MIDEAS: variants seen among roughly 807,000 people sequenced by gnomAD.
The protein encoded by MIDEAS is mitotic deacetylase associated SANT domain protein, also known as mitotic deacetylase-associated SANT domain protein.
MIDEAS carries 26 observed loss-of-function variants against 102.7 expected under a neutral mutation model. That is an observed-to-expected ratio of 0.25 (90% confidence interval 0.19 to 0.35). The LOEUF (loss-of-function observed/expected upper bound fraction) is 0.35. Ranked by LOEUF, MIDEAS falls within the 10% of genes least tolerant of loss-of-function variation. The pLI, the probability that MIDEAS is intolerant of heterozygous loss-of-function variation, is 1.00. For missense variants in MIDEAS, 1,231 were observed against 1,435.6 expected, an observed-to-expected ratio of 0.86 and a Z score of 2.30; for synonymous variants, 585 against 591.0, an observed-to-expected ratio of 0.99 and a Z score of 0.15.
In MIDEAS at chr14:73,718,911, C is replaced by A; in HGVS notation, c.3232G>T (p.Ala1078Ser). ...AALRLKEKEA[A>S]AAAAAAHQQA... ...TGGTGGGCGGCGGCGGCGGCAGCAG[C>A]GGCCTCTTTCTCCTTCAGCCTCAGC... The change falls in exon 13 of 13, where the codon GCT (alanine) becomes TCT (serine). Residue 1078 changes from alanine to serine, a missense_variant. Transcript: ENST00000423556. 6.6e-7 allele frequency: 1 copy of A among 1,523,504 alleles called. No homozygotes were observed. Among genetic ancestry groups the A allele is most frequent in the East Asian group, 2.5e-5 (1 of 40,146 alleles). 94.4% of individuals were successfully genotyped at this position (1,523,504 alleles called of 1,614,324 possible).
intron 4 of MIDEAS, chr14:73,727,732 A>C: frequency 1.8e-6 from 1 of 547,284 alleles, no homozygotes; most frequent in South Asian, 2.3e-5. Flanking sequence ...CAGTTTTCAC[A>C]CTCACCAAAA....
intron 1 of MIDEAS, among the ~76,000 whole-genome samples, chr14:73,751,843 T>G (rs2053424332): frequency 6.6e-6 from 1 of 152,160 alleles, no homozygotes; most frequent in Admixed American, 6.5e-5. Context: ...GAGGTTGCAG[T>G]GAGCCAAGAT....
intron 1 of MIDEAS, among the ~76,000 whole-genome samples, chr14:73,755,340 C>T (rs772868944): frequency 6.6e-6 from 1 of 152,200 alleles, no homozygotes; most frequent in Non-Finnish European, 1.5e-5. Context: ...AGCACAACTC[C>T]GGCTCTCCTC....
chr14:73,734,689 C>T (rs756580430), intron 3 of MIDEAS, among the ~76,000 whole-genome samples: 27 of 152,262 alleles, frequency 1.8e-4, no homozygotes, highest in African/African-American at 6.0e-4. Flanking sequence ...CCTTGGCCCC[C>T]CCAAAGTGCT....
At chr14:73,770,208 C>CA (rs2053630008) in intron 1 of MIDEAS, among the ~76,000 whole-genome samples, 1 of 151,904 alleles carries the variant, frequency 6.6e-6, no homozygotes, top group African/African-American at 2.4e-5. Flanking sequence ...AAATCAGCAC[C>CA]AAAAAATATG....
chr14:73,787,596 G>C (rs1566615315), upstream of MIDEAS: 1 of 152,306 alleles, frequency 6.6e-6, no homozygotes, highest in Non-Finnish European at 1.5e-5. Flanking sequence ...CGGTGGGGGA[G>C]GGGAAAGAAA....
chr14:73,737,237 C>A lies in MIDEAS; in HGVS notation c.1510G>T (p.Val504Leu). ...GCTAAGGAAGGCTCAGAAAACTCCA[C>A]CCCACACTTGGTAGTTGAGGCCAAT... The part of the protein sequence containing the change: ...SVLASTTKCG[V>L]EFSEPSLATK... Residue 504 changes from valine to leucine, a missense_variant, in exon 3 of 13, where the codon GTG becomes TTG. Val to Leu is a conservative substitution (Grantham distance 32). Transcript: ENST00000423556. 6.2e-7 allele frequency: 1 copy of A among 1,614,154 alleles called. No individual in the cohort carries two copies. The highest frequency in any genetic ancestry group is 8.5e-7 in the Non-Finnish European group (1 of 1,179,998).
Position 73,718,927 on chromosome 14 carries a change from C to A in MIDEAS, c.3216G>T (p.Leu1072=), listed in dbSNP as rs1368404139. Reference sequence around the variant, plus strand: ...CGGCAGCAGCGGCCTCTTTCTCCTTCAGCCTCAGCGCTGCAGCCTTCTTCT... The same window carrying A: ...CGGCAGCAGCGGCCTCTTTCTCCTTAAGCCTCAGCGCTGCAGCCTTCTTCT... The part of the protein sequence containing the change: ...EQEKKAAALR[L]KEKEAAAAAA... Residue 1072 remains leucine, a synonymous_variant, in exon 13 of 13, where the codon CTG becomes CTT. Transcript: ENST00000423556. 1.3e-6 allele frequency: 2 copies of A among 1,526,402 alleles called. No individual in the cohort carries two copies. The highest frequency in any genetic ancestry group is 1.7e-6 in the Non-Finnish European group (2 of 1,143,360). 94.6% of individuals were successfully genotyped at this position (1,526,402 alleles called of 1,614,324 possible). A position where few individuals can be genotyped will look rare whatever the true frequency, so the allele number is the denominator to read the frequency against.
At chr14:73,777,173 G>T (rs561871089) in intron 1 of MIDEAS, among the ~76,000 whole-genome samples, 1 of 152,054 alleles carries the variant, frequency 6.6e-6, no homozygotes, top group South Asian at 2.1e-4. Flanking sequence ...CCTCTGGAGC[G>T]AGTGGCACAA....
rs771330540 is a variant in MIDEAS, at chr14:73,737,277, C to G, written c.1470G>C (p.Glu490Asp). The G allele has an allele frequency of 1.9e-6, 3 of 1,610,386 alleles. No individual in the cohort carries two copies. The highest frequency in any genetic ancestry group is 1.7e-5 in the Admixed American group (1 of 59,922). ...QNAKDGSGSE[E>D]KRKSVLASTT... is the part of the protein sequence containing the mutation. The stretch of plus-strand genomic sequence containing the variant: ...TTGAGGCCAATACACTTTTCCGCTT[C>G]TCTTCAGAACCACTGCCATCCTGGA... Residue 490 changes from glutamate to aspartate, a missense_variant, in exon 3 of 13, where the codon GAG becomes GAC. Glu to Asp is a conservative substitution (Grantham distance 45). This residue lies in a region of MIDEAS where 758 missense variants were observed against 856.0 expected (regional missense o/e 0.89). Coordinates refer to ENST00000423556, the MANE Select transcript of MIDEAS (RefSeq NM_001367710.1).
exon 1 of MIDEAS, chr14:73,787,201 A>G (rs1176702012): frequency 4.0e-5 from 6 of 148,780 alleles, no homozygotes; most frequent in African/African-American, 1.5e-4. Context: ...CGCAGTCGTC[A>G]CTTCCTCGCG....
At chr14:73,723,112 A>G (rs2053018038) in intron 9 of MIDEAS, 3 of 306,722 alleles carry the variant, frequency 9.8e-6, no homozygotes, top group Middle Eastern at 1.0e-3. Context: ...GGAGATGGCA[A>G]TATGGATTGC....
At chr14:73,769,362 A>G (rs2140166241) in intron 1 of MIDEAS, among the ~76,000 whole-genome samples, 1 of 152,324 alleles carries the variant, frequency 6.6e-6, no homozygotes, top group Admixed American at 6.5e-5. Context: ...CACATGAGGA[A>G]ACACATCAGT....
At chr14:73,740,699 T>A (rs2053271262) in intron 1 of MIDEAS, among the ~76,000 whole-genome samples, 1 of 152,222 alleles carries the variant, frequency 6.6e-6, no homozygotes, top group African/African-American at 2.4e-5. Flanking sequence ...GGCCTAGTCC[T>A]CCTGGCACAC....
At chr14:73,777,258 G>C (rs1042246865) in intron 1 of MIDEAS, among the ~76,000 whole-genome samples, 4 of 151,812 alleles carry the variant, frequency 2.6e-5, no homozygotes, top group Admixed American at 1.3e-4. Context: ...GTGATGCCAG[G>C]TCAGCAGCAT....
intron 3 of MIDEAS, among the ~76,000 whole-genome samples, chr14:73,731,879 T>C (rs1184747883): frequency 1.3e-5 from 2 of 152,230 alleles, no homozygotes; most frequent in Non-Finnish European, 2.9e-5. Context: ...AGAAAGTATC[T>C]GTAGTACAAA....
At chr14:73,753,809 C>T (rs1233884349) in intron 1 of MIDEAS, among the ~76,000 whole-genome samples, 1 of 152,176 alleles carries the variant, frequency 6.6e-6, no homozygotes, top group Admixed American at 6.5e-5. Flanking sequence ...GTCCAGAGGG[C>T]ACCCAGCACA....
At chr14:73,755,475 CCT>C (rs1178264756) in intron 1 of MIDEAS, among the ~76,000 whole-genome samples, 1 of 152,256 alleles carries the variant, frequency 6.6e-6, no homozygotes, top group Non-Finnish European at 1.5e-5. Context: ...TCTACCCAAA[CCT>C]CCTGCGAGGT....
chr14:73,782,359 C>CTA (rs147360312), intron 1 of MIDEAS, among the ~76,000 whole-genome samples: 117 of 150,734 alleles, frequency 7.8e-4, no homozygotes, highest in African/African-American at 2.0e-3. Flanking sequence ...TCCTCACAGT[C>CTA]TATATATATA....
Sources: gnomAD v4.1 joint callset for allele counts (sites outside exome capture counted in the v4.1 genomes callset) on GRCh38, gnomAD v4.1.1 for gene constraint, gnomAD v4.1.1 regional missense constraint, MANE v1.5 for transcripts, NCBI Gene and HGNC (gene_info 2026-07-23, HGNC 2026-07-21) for gene names.